BCLAF3: variants seen among roughly 807,000 people sequenced by gnomAD.
BCLAF3 encodes BCLAF1 and THRAP3 family member 3, also known as transient octamer binding factor 1.
BCLAF3 carries 24 observed loss-of-function variants against 51.2 expected under a neutral mutation model. The ratio of observed to expected loss-of-function variants is 0.47; its 90% CI spans 0.34 to 0.66. BCLAF3 has a LOEUF of 0.66. Among genes scored for constraint, BCLAF3 ranks in the 30% least tolerant of loss-of-function variants. The pLI is 0.01. For synonymous variants in BCLAF3, 152 were observed against 176.6 expected, an observed-to-expected ratio of 0.86 and a Z score of 1.10; for missense variants, 465 against 525.1, an observed-to-expected ratio of 0.89 and a Z score of 1.12.
intron 11 of BCLAF3, among the ~76,000 whole-genome samples, chrX:19,921,270 G>A (rs1243581517): frequency 1.8e-5 from 2 of 111,738 alleles, no homozygotes; most frequent in Admixed American, 1.9e-4. Context: ...AAGAAGCAAT[G>A]AAACAAGCGA....
At chrX:19,933,758 A>G (rs2070652689) in intron 10 of BCLAF3, among the ~76,000 whole-genome samples, 1 of 111,637 alleles carries the variant, frequency 9.0e-6, no homozygotes, top group Non-Finnish European at 1.9e-5. Context: ...AAATTTTAGC[A>G]AAATATTTCC....
At chrX:19,921,686 G>C (rs2147672409) in intron 11 of BCLAF3, among the ~76,000 whole-genome samples, 1 of 110,668 alleles carries the variant, frequency 9.0e-6, no homozygotes, top group East Asian at 2.8e-4. Context: ...CTGGACGCCA[G>C]AGTGAGACTC....
At chrX:19,981,688 C>A (rs1331244970) in intron 1 of BCLAF3, among the ~76,000 whole-genome samples, 3 of 111,961 alleles carry the variant, frequency 2.7e-5, no homozygotes, top group South Asian at 7.3e-4. Context: ...ATCATTTGAC[C>A]ATAAAAGGGA....
At chrX:19,983,999 G>C (rs755785746) in intron 1 of BCLAF3, among the ~76,000 whole-genome samples, 7 of 105,468 alleles carry the variant, frequency 6.6e-5, no homozygotes, top group Non-Finnish European at 1.4e-4. Flanking sequence ...TTGAACCCGG[G>C]AGGCGGAAGT....
chrX:19,955,878 T>C (rs2071644001), intron 4 of BCLAF3, among the ~76,000 whole-genome samples: 1 of 111,905 alleles, frequency 8.9e-6, no homozygotes, highest in African/African-American at 3.2e-5. Context: ...ATGCAAAAAG[T>C]AATCGATTAG....
intron 4 of BCLAF3, 118 bp from the exon 5 acceptor site, chrX:19,955,684 G>A: frequency 1.8e-6 from 1 of 547,931 alleles, no homozygotes; most frequent in Non-Finnish European, 2.7e-6. Flanking sequence ...TATAATTAAG[G>A]CACTAAATTC....
chrX:19,949,310 A>G (rs1055723903), intron 8 of BCLAF3, among the ~76,000 whole-genome samples: 13 of 112,364 alleles, frequency 1.2e-4, no homozygotes, highest in African/African-American at 4.2e-4. Flanking sequence ...TAATTTTCCC[A>G]AAGTCAGTCA....
intron 1 of BCLAF3, among the ~76,000 whole-genome samples, chrX:19,978,980 C>T: frequency 1.8e-5 from 2 of 111,201 alleles, no homozygotes; most frequent in Non-Finnish European, 3.8e-5. Flanking sequence ...TTGCCCTAGG[C>T]TGGGCGTGGT....
chrX:19,953,690 G>A (rs935569499), intron 6 of BCLAF3, 88 bp downstream of exon 6: 2 of 630,054 alleles, frequency 3.2e-6, no homozygotes, highest in East Asian at 3.4e-5. Flanking sequence ...GCCCAAGTGA[G>A]CAGGTTCGGA....
Position 19,965,844 on chromosome X carries a change from T to C in BCLAF3, c.612-138A>G, listed in dbSNP as rs182728859. 764 of 671,091 alleles carry C rather than the reference T, an allele frequency of 1.1e-3. 3 individuals are homozygous for C. The African/African-American group carries it at 0.015, about 13-fold the overall frequency. 55.3% of individuals were successfully genotyped at this position (671,091 alleles called of 1,213,427 possible). On this transcript the variant is annotated intron_variant, in intron 3 of 11. Transcript: ENST00000379682. The stretch of plus-strand genomic sequence containing the variant: ...TCTATAACCCTTTAAGCCAATTCTA[T>C]AGGCACAAGGCAGTTAAAGAGGAAA...
At chrX:19,938,157 A>T (rs2070845948) in intron 8 of BCLAF3, among the ~76,000 whole-genome samples, 1 of 110,830 alleles carries the variant, frequency 9.0e-6, no homozygotes, top group African/African-American at 3.3e-5. Flanking sequence ...CTGATCTCCA[A>T]AGCCTCATTT....
chrX:19,974,594 T>C (rs1225175480), intron 1 of BCLAF3, among the ~76,000 whole-genome samples: 5 of 112,003 alleles, frequency 4.5e-5, no homozygotes, highest in Non-Finnish European at 9.4e-5. Context: ...AAAATTCAAA[T>C]GGGCCAGGCA....
intron 11 of BCLAF3, among the ~76,000 whole-genome samples, chrX:19,921,635 G>A (rs1427205966): frequency 4.5e-5 from 5 of 110,566 alleles, no homozygotes; most frequent in Admixed American, 1.9e-4. Flanking sequence ...CTCGGGAGGC[G>A]GAGGCTGCAG....
chrX:19,940,847 C>A (rs1413956758), intron 8 of BCLAF3, among the ~76,000 whole-genome samples: 7 of 111,679 alleles, frequency 6.3e-5, no homozygotes, highest in Non-Finnish European at 1.3e-4. Context: ...AATTGCCACA[C>A]TGACTTCCAC....
intron 4 of BCLAF3, among the ~76,000 whole-genome samples, chrX:19,959,293 T>G (rs1290103683): frequency 1.8e-5 from 2 of 111,656 alleles, no homozygotes; most frequent in Non-Finnish European, 3.8e-5. Context: ...GAGTCACACA[T>G]GCACTCCAAT....
chrX:19,965,856 A>G (rs1230556619), intron 3 of BCLAF3, 150 bp from the exon 4 acceptor site: 1 of 641,611 alleles, frequency 1.6e-6, no homozygotes, highest in Non-Finnish European at 2.3e-6. Flanking sequence ...GGCACAAGGC[A>G]GTTAAAGAGG....
intron 8 of BCLAF3, among the ~76,000 whole-genome samples, chrX:19,939,201 G>C (rs1476747609): frequency 8.9e-6 from 1 of 111,950 alleles, no homozygotes; most frequent in Admixed American, 9.5e-5. Context: ...TAAATGACAA[G>C]AAATGTACTA....
At chrX:19,980,458 TACAA>T (rs1171100277) in intron 1 of BCLAF3, among the ~76,000 whole-genome samples, 1 of 112,179 alleles carries the variant, frequency 8.9e-6, no homozygotes, top group African/African-American at 3.2e-5. Context: ...GTTTTCAACT[TACAA>T]GGGTATAGGG....
rs1291246344 is a variant in BCLAF3 at position 19,940,482 on chromosome X, C to T, written c.1746-2950G>A. On this transcript the variant is annotated intron_variant, in intron 8 of 11. Transcript: ENST00000379682. ...TCCCCTTCATGTGTCCATGTGATCT[C>T]ATTGTTCAATTCCCACCTATGAGTG... Among the ~76,000 whole-genome samples the T allele has an allele frequency of 9.7e-4, 107 of 110,263 alleles. 2 individuals are homozygous for T. The highest frequency in any genetic ancestry group is 3.4e-3 in the African/African-American group (103 of 30,193).
Sources: gnomAD v4.1 joint callset for allele counts (sites outside exome capture counted in the v4.1 genomes callset) on GRCh38, gnomAD v4.1.1 for gene constraint, MANE v1.5 for transcripts, NCBI Gene and HGNC (gene_info 2026-07-23, HGNC 2026-07-21) for gene names.